DLGAP1: variants seen among roughly 807,000 people sequenced by gnomAD.
DLGAP1 encodes DLG associated protein 1, also known as disks large-associated protein 1.
In DLGAP1, 11 loss-of-function variants were observed where a neutral mutation model predicts 90.8. That is an observed-to-expected ratio of 0.12 (90% CI 0.08 to 0.20). The LOEUF (loss-of-function observed/expected upper bound fraction) is 0.20, where lower values mean the gene tolerates loss of function less well. Ranked by LOEUF, DLGAP1 falls within the 10% of genes least tolerant of loss-of-function variation. DLGAP1 has a pLI of 1.00. For missense variants in DLGAP1, 1,050 were observed against 1,333.8 expected, an observed-to-expected ratio of 0.79 and a Z score of 3.31; for synonymous variants, 558 against 540.7, an observed-to-expected ratio of 1.03 and a Z score of -0.44.
intron 5 of DLGAP1, among the ~76,000 whole-genome samples, chr18:3,793,234 C>T (rs2065826733): frequency 6.6e-6 from 1 of 152,168 alleles, no homozygotes; most frequent in African/African-American, 2.4e-5. Flanking sequence ...TTTTCTTCCA[C>T]AGCCCATGTC....
intron 2 of DLGAP1, among the ~76,000 whole-genome samples, chr18:4,054,457 A>G (rs2075183106): frequency 6.6e-6 from 1 of 152,250 alleles, no homozygotes; most frequent in South Asian, 2.1e-4. Flanking sequence ...TAATAGCTCC[A>G]TATAAATAGT....
At chr18:4,335,957 C>A in intron 1 of DLGAP1, among the ~76,000 whole-genome samples, 1 of 152,150 alleles carries the variant, frequency 6.6e-6, no homozygotes, top group East Asian at 1.9e-4. Context: ...GATTTAGAAA[C>A]ACAAGACTAT....
intron 1 of DLGAP1, among the ~76,000 whole-genome samples, chr18:4,439,200 C>T (rs997301681): frequency 2.6e-5 from 4 of 152,178 alleles, no homozygotes; most frequent in Non-Finnish European, 5.9e-5. Context: ...TTCTCACTAG[C>T]CCATGAGTTC....
At chr18:3,806,647 T>C (rs1017511758) in intron 5 of DLGAP1, among the ~76,000 whole-genome samples, 2 of 152,194 alleles carry the variant, frequency 1.3e-5, no homozygotes, top group African/African-American at 2.4e-5. Flanking sequence ...AGATATTAAA[T>C]TGAATAAATG....
intron 1 of DLGAP1, among the ~76,000 whole-genome samples, chr18:4,300,813 C>A (rs551817615): frequency 1.3e-5 from 2 of 152,258 alleles, no homozygotes; most frequent in East Asian, 3.9e-4. Flanking sequence ...CTCTTGCACA[C>A]CAAGGGCTTT....
rs2081217980 is a variant in DLGAP1 at position 4,342,660 on chromosome 18, G to T, written c.-267+112346C>A. ...TTGAAAATGTATTTGTTTTGGTTTTGGTTAATACTACATTTGCCACAAATC... is the reference window on the plus strand; with the variant it reads ...TTGAAAATGTATTTGTTTTGGTTTTTGTTAATACTACATTTGCCACAAATC... On this transcript the variant is annotated intron_variant, in intron 1 of 12. Transcript: ENST00000315677. The surrounding 1 kb of genome is among the most constrained non-coding windows in gnomAD (Gnocchi z 5.8). Among the ~76,000 whole-genome samples the T allele has an allele frequency of 6.6e-6, 1 of 152,060 alleles. No homozygotes were observed. Among genetic ancestry groups the T allele is most frequent in the Admixed American group, 6.6e-5 (1 of 15,264 alleles).
At chr18:3,661,090 G>A (rs1358833715) in intron 7 of DLGAP1, among the ~76,000 whole-genome samples, 2 of 152,142 alleles carry the variant, frequency 1.3e-5, no homozygotes, top group Middle Eastern at 3.2e-3. Context: ...TTTAGATGAA[G>A]TTTCACTATG....
chr18:4,262,496 T>G (rs1020311168), intron 1 of DLGAP1, among the ~76,000 whole-genome samples: 1 of 152,212 alleles, frequency 6.6e-6, no homozygotes, highest in Non-Finnish European at 1.5e-5. Flanking sequence ...AATGAATGCA[T>G]TTTGTACTAC....
chr18:4,320,002 T>C (rs1415762098), intron 1 of DLGAP1, among the ~76,000 whole-genome samples: 3 of 152,076 alleles, frequency 2.0e-5, no homozygotes, highest in East Asian at 3.9e-4. Flanking sequence ...CCTCCAACCT[T>C]GTCTTTGCTA....
intron 7 of DLGAP1, among the ~76,000 whole-genome samples, chr18:3,692,630 T>C (rs2147033500): frequency 6.6e-6 from 1 of 151,980 alleles, no homozygotes; most frequent in East Asian, 1.9e-4. Flanking sequence ...CAGGTCTGGT[T>C]GAGATCTGCA....
chr18:3,905,365 T>TAAAAAAAAAAAAAAAA (rs2071878506), intron 3 of DLGAP1, among the ~76,000 whole-genome samples: 1 of 4,768 alleles, frequency 2.1e-4, no homozygotes, highest in East Asian at 0.022. Context: ...AGACTCCATC[T>TAAAAAAAAAAAAAAAA]CAAAAAAAAA....
intron 1 of DLGAP1, among the ~76,000 whole-genome samples, chr18:4,322,898 T>A (rs1460031002): frequency 7.3e-6 from 1 of 136,972 alleles, no homozygotes; most frequent in East Asian, 2.2e-4. Context: ...GAGGCGGAGA[T>A]TGCAGTAAGC....
intron 2 of DLGAP1, among the ~76,000 whole-genome samples, chr18:4,102,505 G>A (rs1165333316): frequency 1.3e-4 from 20 of 152,128 alleles, no homozygotes; most frequent in Admixed American, 1.3e-3. Context: ...GCACCTATGA[G>A]AAGACTCAGC....
At chr18:3,629,019 A>G (rs1209210056) in intron 7 of DLGAP1, among the ~76,000 whole-genome samples, 3 of 152,242 alleles carry the variant, frequency 2.0e-5, no homozygotes, top group Admixed American at 1.3e-4. Context: ...GTTTCTTCAT[A>G]ATGTCAAATA....
intron 3 of DLGAP1, among the ~76,000 whole-genome samples, chr18:3,957,914 A>T (rs1235478873): frequency 3.5e-4 from 49 of 140,432 alleles, no homozygotes; most frequent in Non-Finnish European, 1.7e-4. Flanking sequence ...TTTTTTTGAG[A>T]TGGAGTTTCA....
chr18:4,213,687 G>GT (rs1483413831), intron 1 of DLGAP1, among the ~76,000 whole-genome samples: 1 of 152,170 alleles, frequency 6.6e-6, no homozygotes, highest in African/African-American at 2.4e-5. Context: ...TGCATTAACA[G>GT]TGTCAAATAG....
intron 10 of DLGAP1, among the ~76,000 whole-genome samples, chr18:3,524,500 T>G (rs762703008): frequency 6.6e-6 from 1 of 152,200 alleles, no homozygotes; most frequent in Non-Finnish European, 1.5e-5. Context: ...ATGACAGATA[T>G]GTTAATTTGC....
intron 2 of DLGAP1, among the ~76,000 whole-genome samples, chr18:4,010,315 C>T (rs933786448): frequency 1.3e-4 from 20 of 152,186 alleles, no homozygotes; most frequent in African/African-American, 4.1e-4. Flanking sequence ...GAAGCCAAGG[C>T]AGGAGGATTG....
At chr18:3,626,730 A>C (rs984053551) in intron 7 of DLGAP1, among the ~76,000 whole-genome samples, 1 of 151,770 alleles carries the variant, frequency 6.6e-6, no homozygotes, top group Non-Finnish European at 1.5e-5. Flanking sequence ...ACATGGAAAA[A>C]TTTTGTCTCT....
Sources: gnomAD v4.1 joint callset for allele counts (sites outside exome capture counted in the v4.1 genomes callset) on GRCh38, gnomAD v4.1.1 for gene constraint, Gnocchi (gnomAD v3.1) non-coding constraint, MANE v1.5 for transcripts, NCBI Gene and HGNC (gene_info 2026-07-23, HGNC 2026-07-21) for gene names.